PRKACB: variants seen among roughly 807,000 people sequenced by gnomAD.
The protein encoded by PRKACB is cAMP-dependent protein kinase catalytic subunit beta.
A neutral mutation model predicts 51.4 loss-of-function variants in PRKACB; 16 were observed. That is an observed-to-expected ratio of 0.31 (90% CI 0.21 to 0.47). The LOEUF (loss-of-function observed/expected upper bound fraction) is 0.47, where lower values mean the gene tolerates loss of function less well. Ranked by LOEUF, PRKACB falls within the 20% of genes least tolerant of loss-of-function variation. PRKACB has a pLI of 1.00. For synonymous variants in PRKACB, 147 were observed against 154.4 expected, an observed-to-expected ratio of 0.95 and a Z score of 0.35; for missense variants, 309 against 464.5, an observed-to-expected ratio of 0.67 and a Z score of 3.08.
chr1:84,173,362 C>T, intron 1 of PRKACB: 2 of 1,566,194 alleles, frequency 1.3e-6, no homozygotes, highest in South Asian at 1.2e-5. Flanking sequence ...GGTAGGAAAA[C>T]CCCTTTTTTT....
chr1:84,234,227 G>A lies in PRKACB; in HGVS notation c.1072-953G>A, dbSNP rs868675993. Among the ~76,000 whole-genome samples, 8 of 152,376 alleles carry A rather than the reference G, an allele frequency of 5.3e-5. No individual in the cohort carries two copies. In the Middle Eastern group the frequency reaches 0.01, roughly 194 times the overall value. ...GGGTGCCTCCCAGTTAGGCTGCTCA[G>A]GGGTCAGGGGTCAGGGACCCACTTG... is the stretch of plus-strand genomic sequence containing the variant. On this transcript the variant is annotated intron_variant, in intron 9 of 9. Transcript: ENST00000370685.
Position 84,222,238 on chromosome 1 carries a change from C to T in PRKACB, c.1071+7921C>T, listed in dbSNP as rs1020168126. Reference sequence around the variant, plus strand: ...CCTTTATCTGATATAAATTTAGATACTCCTGCTTGTTTTTGTTTTCCATTT... The same window carrying T: ...CCTTTATCTGATATAAATTTAGATATTCCTGCTTGTTTTTGTTTTCCATTT... On this transcript the variant is annotated intron_variant, in intron 9 of 9. Transcript: ENST00000370685. Among the ~76,000 whole-genome samples, 5 of 151,998 alleles carry T rather than the reference C, an allele frequency of 3.3e-5. No homozygotes were observed. The South Asian group carries it at 1.0e-3, about 32-fold the overall frequency.
At chr1:84,190,516 A>T (rs550404142) in intron 5 of PRKACB, among the ~76,000 whole-genome samples, 24 of 152,144 alleles carry the variant, frequency 1.6e-4, no homozygotes, top group Admixed American at 7.9e-4. Flanking sequence ...ATACATGAAT[A>T]TTCTTTCAAT....
chr1:84,184,379 A>G (rs1664480091), intron 4 of PRKACB, among the ~76,000 whole-genome samples: 1 of 151,918 alleles, frequency 6.6e-6, no homozygotes, highest in South Asian at 2.1e-4. Flanking sequence ...ACAAAAAGAA[A>G]TATTTCAATT....
intron 9 of PRKACB, among the ~76,000 whole-genome samples, chr1:84,228,581 T>C (rs949700651): frequency 2.0e-5 from 3 of 151,564 alleles, no homozygotes; most frequent in Admixed American, 6.6e-5. Flanking sequence ...TTAATCTTTA[T>C]AGAAGACCAT....
intron 1 of PRKACB, among the ~76,000 whole-genome samples, chr1:84,103,680 C>A (rs1649521033): frequency 6.6e-6 from 1 of 152,082 alleles, no homozygotes; most frequent in Non-Finnish European, 1.5e-5. Flanking sequence ...GTGTGTTGCC[C>A]AAATTCTTGA....
At chr1:84,163,838 G>A (rs940747379) in intron 1 of PRKACB, among the ~76,000 whole-genome samples, 5 of 151,902 alleles carry the variant, frequency 3.3e-5, no homozygotes, top group Non-Finnish European at 7.4e-5. Context: ...GCAAGTTCAC[G>A]TGCTGAAGTT....
Position 84,091,077 on chromosome 1 carries a change from A to G in PRKACB, c.46+12706A>G, listed in dbSNP as rs141153837. On this transcript the variant is annotated intron_variant, in intron 1 of 8. Transcript: ENST00000370688. ...ACCCTACTTTCTCTTTCCCTTTCTCATCGCTCACCTACTAAAGTGAACTGG... is the reference window on the plus strand; with the variant it reads ...ACCCTACTTTCTCTTTCCCTTTCTCGTCGCTCACCTACTAAAGTGAACTGG... Among the ~76,000 whole-genome samples the G allele has an allele frequency of 2.2e-3, 339 of 151,982 alleles. 1 individual carries two copies. The highest frequency in any genetic ancestry group is 0.01 in the Middle Eastern group (3 of 294).
chr1:84,107,139 A>G (rs1186733540), intron 1 of PRKACB, among the ~76,000 whole-genome samples: 3 of 152,148 alleles, frequency 2.0e-5, no homozygotes, highest in Non-Finnish European at 2.9e-5. Flanking sequence ...ACCTAAAATA[A>G]AAGTTAAAAT....
chr1:84,200,737 G>A (rs956440949), intron 7 of PRKACB, among the ~76,000 whole-genome samples: 1 of 152,120 alleles, frequency 6.6e-6, no homozygotes, highest in African/African-American at 2.4e-5. Flanking sequence ...TTATTGAGTA[G>A]GGAAACTTTT....
At chr1:84,086,023 G>T in intron 1 of PRKACB, 1 of 824,382 alleles carries the variant, frequency 1.2e-6, no homozygotes, top group Non-Finnish European at 2.1e-6. Context: ...AGATCCTGGG[G>T]CTGAGGTTAG....
chr1:84,193,024 G>A (rs1424824524), intron 5 of PRKACB, among the ~76,000 whole-genome samples: 3 of 152,110 alleles, frequency 2.0e-5, no homozygotes, highest in African/African-American at 7.2e-5. Flanking sequence ...AAATGAAGGG[G>A]AAAGTCTCCT....
At chr1:84,133,510 A>C (rs1652469101) in intron 1 of PRKACB, among the ~76,000 whole-genome samples, 1 of 152,238 alleles carries the variant, frequency 6.6e-6, no homozygotes, top group Non-Finnish European at 1.5e-5. Flanking sequence ...GCTGGGTGAT[A>C]ATGAAACAGG....
intron 5 of PRKACB, among the ~76,000 whole-genome samples, chr1:84,195,600 T>C (rs1308127180): frequency 6.6e-6 from 1 of 152,158 alleles, no homozygotes; most frequent in Non-Finnish European, 1.5e-5. Flanking sequence ...ATTACACTGA[T>C]CTATTAATCT....
At chr1:84,212,566 A>G (rs935053782) in intron 8 of PRKACB, among the ~76,000 whole-genome samples, 5 of 152,156 alleles carry the variant, frequency 3.3e-5, no homozygotes, top group Admixed American at 6.6e-5. Flanking sequence ...GCTACAAATC[A>G]TGACTAGATT....
At chr1:84,125,230 A>G (rs1651468013) in intron 1 of PRKACB, among the ~76,000 whole-genome samples, 3 of 152,238 alleles carry the variant, frequency 2.0e-5, no homozygotes, top group Non-Finnish European at 4.4e-5. Flanking sequence ...ACTGTCATCT[A>G]GGGGGCTCCC....
chr1:84,087,665 A>G (rs1169394066), intron 1 of PRKACB, among the ~76,000 whole-genome samples: 3 of 152,042 alleles, frequency 2.0e-5, no homozygotes, highest in African/African-American at 7.3e-5. Context: ...GCAGGTGTGT[A>G]CCATCGAGGC....
At chr1:84,215,745 G>A (rs1672787156) in intron 9 of PRKACB, among the ~76,000 whole-genome samples, 1 of 152,094 alleles carries the variant, frequency 6.6e-6, no homozygotes, top group African/African-American at 2.4e-5. Flanking sequence ...TTTCACTTTT[G>A]TAATAATTTG....
intron 1 of PRKACB, among the ~76,000 whole-genome samples, chr1:84,093,995 T>C (rs1425619334): frequency 6.6e-6 from 1 of 152,000 alleles, no homozygotes; most frequent in African/African-American, 2.4e-5. Flanking sequence ...CTGTAAGTTA[T>C]TTATAGATAC....
Sources: gnomAD v4.1 joint callset for allele counts (sites outside exome capture counted in the v4.1 genomes callset) on GRCh38, gnomAD v4.1.1 for gene constraint, MANE v1.5 for transcripts, NCBI Gene and HGNC (gene_info 2026-07-23, HGNC 2026-07-21) for gene names.